Variants in MPP7 observed in about 807,000 individuals in gnomAD.
MPP7 encodes MAGUK p55 subfamily member 7.
In MPP7, 60 loss-of-function variants were observed where a neutral mutation model predicts 76.5. The ratio of observed to expected loss-of-function variants is 0.78; its 90% CI spans 0.64 to 0.97. The LOEUF (loss-of-function observed/expected upper bound fraction) is 0.97. MPP7 is among the 50% of genes least tolerant of loss of function. The probability of loss-of-function intolerance (pLI) is 0.00; values close to 1 mark genes in which losing one functional copy is unlikely to be tolerated. For synonymous variants in MPP7, 237 were observed against 244.5 expected (o/e 0.97, Z 0.29); for missense variants, 641 against 694.0 (o/e 0.92, Z 0.86).
intron 5 of MPP7, among the ~76,000 whole-genome samples, chr10:28,133,816 T>C (rs1835270543): frequency 6.6e-6 from 1 of 152,156 alleles, no homozygotes; most frequent in Admixed American, 6.5e-5. Context: ...ATAATTAGAA[T>C]TACAAGTGAG....
intron 1 of MPP7, among the ~76,000 whole-genome samples, chr10:28,294,568 A>G (rs1178780104): frequency 6.6e-6 from 1 of 152,206 alleles, no homozygotes; most frequent in Non-Finnish European, 1.5e-5. Flanking sequence ...ATGTTTCTGG[A>G]AAATTACTAG....
chr10:28,190,948 G>T (rs976220957), intron 3 of MPP7, among the ~76,000 whole-genome samples: 2 of 152,058 alleles, frequency 1.3e-5, no homozygotes, highest in African/African-American at 4.8e-5. Context: ...TGAAAGAGGA[G>T]TCAACAGTAC....
chr10:28,158,889 G>T (rs1354983882), intron 3 of MPP7, among the ~76,000 whole-genome samples: 4 of 152,078 alleles, frequency 2.6e-5, no homozygotes, highest in Admixed American at 2.6e-4. Context: ...CTGTCTCCCT[G>T]TCCCAACACA....
intron 7 of MPP7, 140 bp from the exon 8 acceptor site, chr10:28,124,256 G>T: frequency 1.6e-6 from 1 of 641,280 alleles, no homozygotes; most frequent in African/African-American, 1.8e-5. Flanking sequence ...CACATCTCAG[G>T]TTTCAGCCTC....
At chr10:28,173,321 C>T (rs757509659) in intron 3 of MPP7, among the ~76,000 whole-genome samples, 103 of 151,852 alleles carry the variant, frequency 6.8e-4, no homozygotes, top group Non-Finnish European at 9.4e-4. Flanking sequence ...TCCATTATCA[C>T]GGATCTACCC....
chr10:28,254,059 T>C (rs543480346), intron 1 of MPP7, among the ~76,000 whole-genome samples: 13 of 148,560 alleles, frequency 8.8e-5, no homozygotes, highest in African/African-American at 3.2e-4. Context: ...TCCATTCTTA[T>C]GGGAATTACA....
At chr10:28,126,599 C>A (rs567374967) in intron 6 of MPP7, among the ~76,000 whole-genome samples, 30 of 152,306 alleles carry the variant, frequency 2.0e-4, no homozygotes, top group Non-Finnish European at 3.7e-4. Context: ...TACTGCTTAA[C>A]CTCTATCTTC....
At chr10:28,100,236 A>G (rs1239652850) in intron 11 of MPP7, among the ~76,000 whole-genome samples, 2 of 152,124 alleles carry the variant, frequency 1.3e-5, no homozygotes, top group Non-Finnish European at 2.9e-5. Context: ...AAACATTTTG[A>G]ATATAATGCC....
intron 3 of MPP7, among the ~76,000 whole-genome samples, chr10:28,171,333 A>G (rs900345871): frequency 6.6e-6 from 1 of 152,216 alleles, no homozygotes; most frequent in Non-Finnish European, 1.5e-5. Flanking sequence ...GAGGGAAAGT[A>G]AAGAAAATTT....
chr10:28,145,134 C>T (rs1238798349), intron 5 of MPP7, among the ~76,000 whole-genome samples: 13 of 152,056 alleles, frequency 8.5e-5, no homozygotes, highest in Non-Finnish European at 1.6e-4. Context: ...AGGCTGGTCT[C>T]GAACTTCTGA....
intron 5 of MPP7, among the ~76,000 whole-genome samples, chr10:28,132,002 A>G (rs1403462825): frequency 6.6e-6 from 1 of 152,116 alleles, no homozygotes; most frequent in Non-Finnish European, 1.5e-5. Flanking sequence ...TATCCTTAAA[A>G]AGGTAGCAAT....
In MPP7 at chr10:28,160,846, G is replaced by A. The variant is rs1289964640; in HGVS notation, c.157-10787C>T. 2.0e-5 allele frequency among the ~76,000 whole-genome samples: 3 copies of A among 152,112 alleles called. No individual in the cohort carries two copies. In the East Asian group the frequency reaches 5.8e-4, roughly 29 times the overall value. ...AGGTGTTACTTTTCTAAAAAACCAT[G>A]ATTTTGAGGTCTGAAAAGTAGCTTT... On this transcript the variant is annotated intron_variant, in intron 3 of 16. Transcript: ENST00000683449.
Position 28,051,699 on chromosome 10 carries a change from A to C in MPP7, c.*2366T>G, listed in dbSNP as rs1851365972. 1 of 152,000 alleles carries C rather than the reference A, an allele frequency of 6.6e-6. No individual in the cohort carries two copies. 9.4% of individuals were successfully genotyped at this position (152,000 alleles called of 1,614,324 possible). On this transcript the variant is annotated 3_prime_UTR_variant, in exon 17 of 17. Coordinates refer to ENST00000683449, the MANE Select transcript of MPP7 (RefSeq NM_001318170.2). The stretch of plus-strand genomic sequence containing the variant: ...CTCTCGGAGTTGGCCCTGCCTTATT[A>C]AATTTTAATCAATTATCTTTCTAAG...
chr10:28,309,427 A>AT (rs1338922059), intron 2 of MPP7, among the ~76,000 whole-genome samples: 2 of 151,386 alleles, frequency 1.3e-5, no homozygotes, highest in African/African-American at 4.9e-5. Context: ...AAAAAAAAAA[A>AT]ATGCTACTCA....
At chr10:28,109,835 C>T (rs528031555) in intron 11 of MPP7, among the ~76,000 whole-genome samples, 3 of 109,250 alleles carry the variant, frequency 2.7e-5, no homozygotes, top group African/African-American at 1.3e-4. Context: ...AGTTAGAAGG[C>T]CAGCCGCAGA....
intron 3 of MPP7, 65 bp downstream of exon 3, chr10:28,202,088 G>C (rs1837789768): frequency 9.1e-7 from 1 of 1,093,092 alleles, no homozygotes; most frequent in Admixed American, 1.8e-5. Flanking sequence ...TGGTTTACTT[G>C]GTGGTGCCCC....
intron 1 of MPP7, among the ~76,000 whole-genome samples, chr10:28,302,207 C>G (rs932361277): frequency 1.3e-5 from 2 of 152,208 alleles, no homozygotes; most frequent in Non-Finnish European, 2.9e-5. Context: ...ACTCCTCCCC[C>G]TCATTCCTAC....
At chr10:28,241,612 G>A (rs1485597827) in intron 1 of MPP7, among the ~76,000 whole-genome samples, 1 of 151,274 alleles carries the variant, frequency 6.6e-6, no homozygotes, top group Non-Finnish European at 1.5e-5. Flanking sequence ...GTATGGAATC[G>A]ATTTACTACA....
chr10:28,194,953 G>C (rs1837532254), intron 3 of MPP7, among the ~76,000 whole-genome samples: 1 of 152,250 alleles, frequency 6.6e-6, no homozygotes, highest in South Asian at 2.1e-4. Context: ...AGAGAAACTG[G>C]GAAGGGGAGA....
Sources: allele counts gnomAD v4.1 joint callset (sites outside exome capture counted in the v4.1 genomes callset), GRCh38; gene constraint gnomAD v4.1.1; transcripts MANE v1.5; gene names NCBI Gene and HGNC (gene_info 2026-07-23, HGNC 2026-07-21).